The following RNF17 variants were observed in gnomAD, a reference collection of about 807,000 sequenced individuals.
The protein encoded by RNF17 is spermatogenesis associated 23.
RNF17 carries 31 observed loss-of-function variants against 200.5 expected under a neutral mutation model. The observed-to-expected ratio is 0.15, with a 90% confidence interval of 0.12 to 0.21. The LOEUF (loss-of-function observed/expected upper bound fraction) is 0.21. Ranked by LOEUF, RNF17 falls within the 10% of genes least tolerant of loss-of-function variation. The probability of loss-of-function intolerance (pLI) is 1.00; values close to 1 mark genes in which losing one functional copy is unlikely to be tolerated. For missense variants in RNF17, 1,628 were observed against 1,905.1 expected, an observed-to-expected ratio of 0.85 and a Z score of 2.71; for synonymous variants, 606 against 637.8, an observed-to-expected ratio of 0.95 and a Z score of 0.75.
intron 11 of RNF17, 35 bp downstream of exon 11, chr13:24,796,330 T>C (rs776667064): frequency 2.1e-6 from 3 of 1,431,996 alleles, no homozygotes; most frequent in Non-Finnish European, 2.8e-6. Context: ...AAATATCAAA[T>C]TTATTTAAAT....
chr13:24,862,805 T>C lies in RNF17; in HGVS notation c.3975+12T>C. On this transcript the variant is annotated intron_variant, in intron 28 of 35. Coordinates refer to ENST00000255324, the MANE Select transcript of RNF17 (RefSeq NM_031277.3). ...ACATTCACATTATGGTAATTTAAAG[T>C]ATATATAGTTGTTATAAATTACTTG... 7.0e-7 allele frequency: 1 copy of C among 1,426,170 alleles called. No individual in the cohort carries two copies. Among genetic ancestry groups the C allele is most frequent in the Non-Finnish European group, 9.9e-7 (1 of 1,012,064 alleles). 88.3% of individuals were successfully genotyped at this position (1,426,170 alleles called of 1,614,324 possible).
At chr13:24,783,687 A>G (rs940740906) in intron 6 of RNF17, among the ~76,000 whole-genome samples, 7 of 70,112 alleles carry the variant, frequency 1.0e-4, no homozygotes, top group African/African-American at 3.7e-4. Context: ...CTGTGTAGAA[A>G]CACACCTTAT....
At chr13:24,774,770 T>G (rs1156504865) in intron 2 of RNF17, 43 bp from the exon 3 acceptor site, 2 of 1,292,724 alleles carry the variant, frequency 1.5e-6, no homozygotes, top group Non-Finnish European at 2.2e-6. Context: ...TAGGCATAAT[T>G]TATTGGGTGA....
chr13:24,782,207 GCT>G (rs1450406331), intron 6 of RNF17, among the ~76,000 whole-genome samples: 1 of 152,084 alleles, frequency 6.6e-6, no homozygotes, highest in Non-Finnish European at 1.5e-5. Context: ...ACAGGGTCTT[GCT>G]CTGTTGCCCA....
At chr13:24,781,998 T>G (rs781243063) in intron 6 of RNF17, 54 bp downstream of exon 6, 66 of 1,086,978 alleles carry the variant, frequency 6.1e-5, no homozygotes, top group Non-Finnish European at 8.4e-5. Flanking sequence ...AACACTAACT[T>G]GTCATTGTAT....
chr13:24,881,183 C>A (rs142290647), downstream of RNF17, among the ~76,000 whole-genome samples: 241 of 151,660 alleles, frequency 1.6e-3, no homozygotes, highest in African/African-American at 5.7e-3. Context: ...GAGACAGAGT[C>A]CCACTCAGGC....
In RNF17 at chr13:24,874,170, G is replaced by A; in HGVS notation, c.4504G>A (p.Ala1502Thr). ...CTTATGGTATAGAGCGAAGATTGTT[G>A]CCATTAAAGAATTTAATCCTTTATC... is the stretch of plus-strand genomic sequence containing the variant. ...DGLWYRAKIV[A>T]IKEFNPLSIL... The change falls in exon 33 of 36, where the codon GCC becomes ACC. Residue 1502 changes from alanine (A) to threonine (T), a missense_variant. Ala to Thr is a moderately conservative substitution (Grantham distance 58, BLOSUM62 0). This residue lies in a region of RNF17 where 609 missense variants were observed against 681.9 expected (regional missense o/e 0.89). Transcript: ENST00000255324. 1 of 1,611,370 alleles carries A rather than the reference G, an allele frequency of 6.2e-7. No homozygotes were observed. Among genetic ancestry groups the A allele is most frequent in the Non-Finnish European group, 8.5e-7 (1 of 1,178,886 alleles).
At chr13:24,772,546 A>G (rs1346730036) in intron 2 of RNF17, among the ~76,000 whole-genome samples, 1 of 151,552 alleles carries the variant, frequency 6.6e-6, no homozygotes, top group Non-Finnish European at 1.5e-5. Flanking sequence ...AATAACTTCA[A>G]TCAGCAGGAA....
In RNF17 at chr13:24,870,663, C is replaced by G; in HGVS notation, c.4371C>G (p.Ser1457=). 6.2e-7 allele frequency: 1 copy of G among 1,614,074 alleles called. No individual in the cohort carries two copies. The highest frequency in any genetic ancestry group is 8.5e-7 in the Non-Finnish European group (1 of 1,179,942). ...GTGGAGTCAGCGGGGAATCAGAATC[C>G]GAGAGCCTTGATGAAGCACTGCAGA... ...DDSGVSGESE[S]ESLDEALQRV... The change falls in exon 32 of 36, where the codon TCC becomes TCG. Residue 1457 remains serine, a synonymous_variant. Transcript: ENST00000255324.
chr13:24,818,684 C>G (rs1027988901), intron 15 of RNF17, among the ~76,000 whole-genome samples: 1 of 152,084 alleles, frequency 6.6e-6, no homozygotes, highest in African/African-American at 2.4e-5. Flanking sequence ...TTGCCTGATA[C>G]CACCAGTAAA....
chr13:24,880,572 AATCCATGTTGGTATGTAT>A (rs1408325569), downstream of RNF17, among the ~76,000 whole-genome samples: 4 of 152,170 alleles, frequency 2.6e-5, no homozygotes, highest in Admixed American at 2.0e-4. Context: ...TTTGCTCTTT[AATCCATGTTGGTATGTAT>A]AACTCTATTC....
intron 15 of RNF17, among the ~76,000 whole-genome samples, chr13:24,823,571 C>T (rs1360229561): frequency 6.6e-6 from 1 of 152,120 alleles, no homozygotes; most frequent in Non-Finnish European, 1.5e-5. Flanking sequence ...CGCCATCTTT[C>T]CTAGACTTTG....
Position 24,852,344 on chromosome 13 carries a change from T to C in RNF17, c.3320+773T>C, listed in dbSNP as rs375775103. On this transcript the variant is annotated intron_variant, in intron 24 of 35. Coordinates refer to ENST00000255324, the MANE Select transcript of RNF17 (RefSeq NM_031277.3). ...TAGTAGAGACGGGGTTTCACCGTGT[T>C]AGCCAGGATGGCCTCGATCTCCTGA... 1.5e-3 allele frequency among the ~76,000 whole-genome samples: 228 copies of C among 152,234 alleles called. 1 individual carries two copies. The highest frequency in any genetic ancestry group is 5.2e-3 in the African/African-American group (218 of 41,544).
intron 9 of RNF17, 50 bp downstream of exon 9, chr13:24,789,822 A>T (rs932764931): frequency 1.1e-5 from 11 of 1,016,256 alleles, no homozygotes; most frequent in Non-Finnish European, 1.6e-5. Flanking sequence ...GACAGTACTT[A>T]CATTATCTAA....
At chr13:24,819,264 A>G (rs937010691) in intron 15 of RNF17, among the ~76,000 whole-genome samples, 1 of 152,198 alleles carries the variant, frequency 6.6e-6, no homozygotes, top group African/African-American at 2.4e-5. Flanking sequence ...GATACCTTGT[A>G]TAAGTGGTCT....
chr13:24,823,977 A>G (rs1028226599), intron 15 of RNF17, among the ~76,000 whole-genome samples: 1 of 152,196 alleles, frequency 6.6e-6, no homozygotes, highest in Non-Finnish European at 1.5e-5. Context: ...TAGGATACAT[A>G]TACACAGTAA....
intron 32 of RNF17, among the ~76,000 whole-genome samples, chr13:24,872,536 C>T (rs372033126): frequency 6.6e-6 from 1 of 151,164 alleles, no homozygotes; most frequent in African/African-American, 2.4e-5. Flanking sequence ...CATTGGTACA[C>T]TTTTTTTTTA....
At chr13:24,784,417 T>G (rs962130042) in intron 6 of RNF17, among the ~76,000 whole-genome samples, 1 of 152,210 alleles carries the variant, frequency 6.6e-6, no homozygotes, top group African/African-American at 2.4e-5. Flanking sequence ...TGAGGAGGAT[T>G]GGTGTTGATT....
At chr13:24,816,746 A>G (rs1887455521) in intron 15 of RNF17, among the ~76,000 whole-genome samples, 1 of 152,208 alleles carries the variant, frequency 6.6e-6, no homozygotes, top group African/African-American at 2.4e-5. Flanking sequence ...CTATCTTGGC[A>G]GGAATAAACT....
Sources: allele counts gnomAD v4.1 joint callset (sites outside exome capture counted in the v4.1 genomes callset), GRCh38; gene constraint gnomAD v4.1.1; regional missense constraint gnomAD v4.1.1; transcripts MANE v1.5; gene names NCBI Gene and HGNC (gene_info 2026-07-23, HGNC 2026-07-21).